The following ZNF407 variants were observed in gnomAD, a reference collection of about 807,000 sequenced individuals.
The protein encoded by ZNF407 is zinc finger protein 407.
A neutral mutation model predicts 131.2 loss-of-function variants in ZNF407; 17 were observed. The ratio of observed to expected loss-of-function variants is 0.13; its 90% CI spans 0.09 to 0.19. The LOEUF (loss-of-function observed/expected upper bound fraction) is 0.19, where lower values mean the gene tolerates loss of function less well. Among genes scored for constraint, ZNF407 ranks in the 10% least tolerant of loss-of-function variants. ZNF407 has a pLI of 1.00. For synonymous variants in ZNF407, 1,156 were observed against 1,062.0 expected, an observed-to-expected ratio of 1.09 and a Z score of -1.72; for missense variants, 2,681 against 2,830.6, an observed-to-expected ratio of 0.95 and a Z score of 1.20.
chr18:74,701,237 G>A (rs1329669855), intron 3 of ZNF407, among the ~76,000 whole-genome samples: 3 of 152,130 alleles, frequency 2.0e-5, no homozygotes, highest in Admixed American at 1.3e-4. Context: ...TGTTAGGGCA[G>A]CCCGAGCAGA....
intron 4 of ZNF407, among the ~76,000 whole-genome samples, chr18:74,857,511 ATAAGTT>A (rs1385854230): frequency 6.6e-6 from 1 of 152,152 alleles, no homozygotes; most frequent in Non-Finnish European, 1.5e-5. Context: ...TAACTCATAA[ATAAGTT>A]TAATTTTAAA....
At chr18:75,008,731 G>T (rs1241884883) in intron 8 of ZNF407, among the ~76,000 whole-genome samples, 1 of 152,110 alleles carries the variant, frequency 6.6e-6, no homozygotes, top group Non-Finnish European at 1.5e-5. Context: ...GTAATGCAGG[G>T]TAATAGGAAC....
chr18:74,828,108 A>G (rs903513589), intron 4 of ZNF407, among the ~76,000 whole-genome samples: 2 of 151,960 alleles, frequency 1.3e-5, no homozygotes, highest in Non-Finnish European at 2.9e-5. Context: ...TTCTACTGCT[A>G]TGCTTCCTTC....
rs765018449 is a variant in ZNF407, at chr18:74,632,316, A to C, written c.1297A>C (p.Thr433Pro). ...TAATAGCTTTCGTCGACGAAGCAGCACTTTCACCTTGAAGGGCCAGGCAAA... is the reference window on the plus strand; with the variant it reads ...TAATAGCTTTCGTCGACGAAGCAGCCCTTTCACCTTGAAGGGCCAGGCAAA... ...LGNSFRRRSS[T>P]FTLKGQAKKR... is the part of the protein sequence containing the mutation. The change falls in exon 2 of 9, where the codon ACT becomes CCT. Residue 433 changes from threonine (T) to proline (P), a missense_variant. Thr to Pro is a conservative substitution (Grantham distance 38). Transcript: ENST00000299687. 1 of 1,614,006 alleles carries C rather than the reference A, an allele frequency of 6.2e-7. No homozygotes were observed. The highest frequency in any genetic ancestry group is 8.5e-7 in the Non-Finnish European group (1 of 1,179,910).
Position 74,632,032 on chromosome 18 carries a change from G to T in ZNF407, c.1013G>T (p.Ser338Ile), listed in dbSNP as rs1227789732. 6.2e-7 allele frequency: 1 copy of T among 1,613,822 alleles called. No homozygotes were observed. The highest frequency in any genetic ancestry group is 8.5e-7 in the Non-Finnish European group (1 of 1,179,850). The change falls in exon 2 of 9, where the codon AGT (serine) becomes ATT (isoleucine). Residue 338 changes from serine to isoleucine, a missense_variant. Ser to Ile is a moderately radical substitution (Grantham distance 142). Transcript: ENST00000299687. The stretch of plus-strand genomic sequence containing the variant: ...TTCAGAGGAAGTATTTCTAAACAAA[G>T]TGGTAGTAGCAGTGAGCTTCTTGTT... ...KDFRGSISKQ[S>I]GSSSELLVEM...
chr18:74,857,854 C>G (rs1367638157), intron 4 of ZNF407, among the ~76,000 whole-genome samples: 1 of 151,714 alleles, frequency 6.6e-6, no homozygotes, highest in Non-Finnish European at 1.5e-5. Flanking sequence ...CATTCCTTTC[C>G]TTGGTATTGT....
At chr18:74,757,199 G>A (rs961565937) in intron 3 of ZNF407, among the ~76,000 whole-genome samples, 2 of 151,658 alleles carry the variant, frequency 1.3e-5, no homozygotes, top group East Asian at 1.9e-4. Flanking sequence ...TCTTTTATTC[G>A]TTTATTTTAT....
intron 6 of ZNF407, among the ~76,000 whole-genome samples, chr18:74,883,725 C>G (rs1327319774): frequency 1.3e-5 from 2 of 152,222 alleles, no homozygotes; most frequent in Middle Eastern, 3.2e-3. Flanking sequence ...ACAGTTGACA[C>G]ACAAAGAGCA....
chr18:74,723,938 G>A (rs1968097205), intron 3 of ZNF407, among the ~76,000 whole-genome samples: 1 of 149,342 alleles, frequency 6.7e-6, no homozygotes, highest in East Asian at 2.1e-4. Flanking sequence ...TCTGGTGTGG[G>A]GCGGGGTGGG....
Position 74,632,539 on chromosome 18 carries a change from G to C in ZNF407, c.1520G>C (p.Arg507Pro), listed in dbSNP as rs573257833. Residue 507 changes from arginine (R) to proline (P), a missense_variant, in exon 2 of 9, where the codon CGT becomes CCT. Transcript: ENST00000299687. ...QEAEQGQGSA[R>P]PPDSGLHSLT... is the part of the protein sequence containing the mutation. ...GCAGAGCAGGGCCAGGGGAGTGCCC[G>C]TCCTCCGGACTCCGGGCTGCATTCC... 12 of 1,613,886 alleles carry C rather than the reference G, an allele frequency of 7.4e-6. No homozygotes were observed. Among genetic ancestry groups the C allele is most frequent in the Non-Finnish European group, 1.0e-5 (12 of 1,179,916 alleles).
chr18:74,749,559 A>G (rs1968751150), intron 3 of ZNF407, among the ~76,000 whole-genome samples: 1 of 152,234 alleles, frequency 6.6e-6, no homozygotes, highest in African/African-American at 2.4e-5. Flanking sequence ...GTTGTGAAGA[A>G]TTTAAAACTG....
At chr18:74,652,566 G>T (rs186675497) in intron 3 of ZNF407, among the ~76,000 whole-genome samples, 17 of 152,036 alleles carry the variant, frequency 1.1e-4, no homozygotes, top group Admixed American at 2.0e-4. Flanking sequence ...AATCATGAAG[G>T]ACCAGCAGAG....
chr18:74,685,650 T>G (rs947711960), intron 3 of ZNF407, among the ~76,000 whole-genome samples: 2 of 152,240 alleles, frequency 1.3e-5, no homozygotes, highest in African/African-American at 4.8e-5. Flanking sequence ...TGCAGTCACA[T>G]GAGCTTTTTG....
chr18:74,763,502 T>C (rs1481948834), intron 3 of ZNF407, among the ~76,000 whole-genome samples: 1 of 151,646 alleles, frequency 6.6e-6, no homozygotes, highest in Non-Finnish European at 1.5e-5. Flanking sequence ...AATCTTTACC[T>C]AGATGAAGGT....
chr18:74,811,568 T>C (rs1970195298), intron 4 of ZNF407, among the ~76,000 whole-genome samples: 1 of 152,090 alleles, frequency 6.6e-6, no homozygotes, highest in Non-Finnish European at 1.5e-5. Flanking sequence ...TAAAGACACA[T>C]GCACACGTAT....
intron 3 of ZNF407, among the ~76,000 whole-genome samples, chr18:74,697,756 C>CCAAGACCAG (rs1967392539): frequency 6.6e-6 from 1 of 151,996 alleles, no homozygotes; most frequent in South Asian, 2.1e-4. Flanking sequence ...AGCTACATTA[C>CCAAGACCAG]CAAGACCAGC....
chr18:74,609,403 T>C (rs759870605), intron 1 of ZNF407, among the ~76,000 whole-genome samples: 1 of 152,236 alleles, frequency 6.6e-6, no homozygotes, highest in Non-Finnish European at 1.5e-5. Flanking sequence ...CAAACCCATA[T>C]AGCATGTTAC....
chr18:74,947,540 A>C (rs1023249435), intron 8 of ZNF407, among the ~76,000 whole-genome samples: 1 of 152,232 alleles, frequency 6.6e-6, no homozygotes, highest in Non-Finnish European at 1.5e-5. Context: ...AGCTCAAGTC[A>C]GGCTGCAGCA....
intron 6 of ZNF407, 41 bp downstream of exon 6, chr18:74,881,160 G>T: frequency 6.6e-7 from 1 of 1,513,922 alleles, no homozygotes. Context: ...CTGCAGAGAG[G>T]ACGGCAAGAC....
Sources: allele counts gnomAD v4.1 joint callset (sites outside exome capture counted in the v4.1 genomes callset), GRCh38; gene constraint gnomAD v4.1.1; transcripts MANE v1.5; gene names NCBI Gene and HGNC (gene_info 2026-07-23, HGNC 2026-07-21).